STK3: variants seen among roughly 807,000 people sequenced by gnomAD.
STK3 encodes serine/threonine-protein kinase 3.
In STK3, 41 loss-of-function variants were observed where a neutral mutation model predicts 58.0. The ratio of observed to expected loss-of-function variants is 0.71; its 90% CI spans 0.55 to 0.92. The LOEUF is 0.92. Ranked by LOEUF, STK3 falls within the 40% of genes least tolerant of loss-of-function variation. The pLI, the probability that STK3 is intolerant of heterozygous loss-of-function variation, is 0.00. For synonymous variants in STK3, 170 were observed against 191.0 expected (o/e 0.89, Z 0.91); for missense variants, 479 against 602.7 (o/e 0.79, Z 2.15).
At chr8:98,626,548 G>GA (rs1321078107) in intron 6 of STK3, among the ~76,000 whole-genome samples, 2 of 152,180 alleles carry the variant, frequency 1.3e-5, no homozygotes, top group Admixed American at 1.3e-4. Flanking sequence ...GCCCTTTACA[G>GA]AAAAAAGGCC....
intron 3 of STK3, chr8:98,429,215 G>A (rs1377562510): frequency 3.7e-6 from 6 of 1,614,042 alleles, no homozygotes; most frequent in South Asian, 1.1e-5. Flanking sequence ...TCTTCAATAA[G>A]TTCTCCCACT....
At chr8:98,848,729 A>G (rs1421885059) in intron 3 of STK3, among the ~76,000 whole-genome samples, 1 of 152,024 alleles carries the variant, frequency 6.6e-6, no homozygotes, top group Non-Finnish European at 1.5e-5. Context: ...GATGTACTAC[A>G]TTTTCCTCAA....
chr8:98,634,069 C>T (rs1036622423), intron 6 of STK3, among the ~76,000 whole-genome samples: 6 of 151,924 alleles, frequency 3.9e-5, no homozygotes, highest in Non-Finnish European at 7.4e-5. Context: ...GGGGATATTA[C>T]TTGAGAGATA....
rs551615417 is a variant in STK3 at position 98,938,027 on chromosome 8, C to A, written c.-79+4351G>T. On this transcript the variant is annotated intron_variant, in intron 1 of 1. Transcript: ENST00000519420. Reference sequence around the variant, plus strand: ...AGAAAAGGTCATTTGAAAATAGCAACCCTTTGTCAAAGTGGAGATGATGAA... The same window carrying A: ...AGAAAAGGTCATTTGAAAATAGCAAACCTTTGTCAAAGTGGAGATGATGAA... Among the ~76,000 whole-genome samples the A allele has an allele frequency of 9.2e-5, 14 of 152,254 alleles. No individual in the cohort carries two copies. In the South Asian group the frequency reaches 2.9e-3, roughly 32 times the overall value.
intron 1 of STK3, among the ~76,000 whole-genome samples, chr8:98,903,299 A>C (rs1447700761): frequency 6.6e-6 from 1 of 152,226 alleles, no homozygotes; most frequent in African/African-American, 2.4e-5. Context: ...TGATGAAAAT[A>C]TTAAAACAAT....
intron 3 of STK3, among the ~76,000 whole-genome samples, chr8:98,764,115 A>G (rs1830798550): frequency 6.6e-6 from 1 of 152,222 alleles, no homozygotes; most frequent in African/African-American, 2.4e-5. Context: ...TTTCATCAAT[A>G]TTTGCCTCAG....
chr8:98,874,649 C>T (rs1225035486), intron 3 of STK3, among the ~76,000 whole-genome samples: 1 of 151,916 alleles, frequency 6.6e-6, no homozygotes, highest in African/African-American at 2.4e-5. Context: ...TTTTTGGAGA[C>T]AAGTTCTCCC....
intron 8 of STK3, among the ~76,000 whole-genome samples, chr8:98,551,623 C>T (rs1041014060): frequency 1.6e-4 from 25 of 152,080 alleles, no homozygotes; most frequent in South Asian, 2.1e-4. Flanking sequence ...AAAAATACTG[C>T]GAGGACATCT....
At chr8:98,374,431 C>T (rs1817651928) in intron 2 of STK3, among the ~76,000 whole-genome samples, 2 of 152,220 alleles carry the variant, frequency 1.3e-5, no homozygotes, top group African/African-American at 2.4e-5. Context: ...CCCATTTATT[C>T]TACAAACATT....
At chr8:98,763,971 G>A (rs111322092) in intron 3 of STK3, among the ~76,000 whole-genome samples, 2,700 of 152,180 alleles carry the variant, frequency 0.018, 74 homozygotes, top group African/African-American at 0.062. Context: ...CACCATGCCC[G>A]GCCCTAATTT....
chr8:98,847,801 T>C (rs976471586), intron 3 of STK3, among the ~76,000 whole-genome samples: 4 of 152,182 alleles, frequency 2.6e-5, no homozygotes, highest in African/African-American at 9.7e-5. Flanking sequence ...TTTTATCTTC[T>C]GCAATTCCCA....
At chr8:98,668,956 C>A (rs1442076980) in intron 6 of STK3, among the ~76,000 whole-genome samples, 1 of 149,204 alleles carries the variant, frequency 6.7e-6, no homozygotes, top group Non-Finnish European at 1.5e-5. Context: ...ACTGCCTCTG[C>A]TACTTGATTA....
At chr8:98,816,321 C>T (rs1219433110) in intron 1 of STK3, among the ~76,000 whole-genome samples, 1 of 152,128 alleles carries the variant, frequency 6.6e-6, no homozygotes, top group Non-Finnish European at 1.5e-5. Flanking sequence ...CAAGACCAGC[C>T]TAAGCAACAT....
At chr8:98,634,259 G>C (rs978518372) in intron 6 of STK3, among the ~76,000 whole-genome samples, 1 of 152,156 alleles carries the variant, frequency 6.6e-6, no homozygotes, top group Admixed American at 6.5e-5. Context: ...GGCCAAGGCA[G>C]GCGGATCACT....
At chr8:98,699,036 A>G (rs1238516857) in intron 6 of STK3, among the ~76,000 whole-genome samples, 3 of 152,160 alleles carry the variant, frequency 2.0e-5, no homozygotes, top group South Asian at 4.1e-4. Context: ...ACATAGTCCC[A>G]TATTTCTTGG....
chr8:98,929,338 ATGAGT>A (rs1232284106), intron 1 of STK3, among the ~76,000 whole-genome samples: 1 of 152,136 alleles, frequency 6.6e-6, no homozygotes, highest in Non-Finnish European at 1.5e-5. Flanking sequence ...CACACAGCTG[ATGAGT>A]AACAGTGTTG....
chr8:98,697,153 TTG>T (rs749701765), intron 6 of STK3, among the ~76,000 whole-genome samples: 13 of 152,352 alleles, frequency 8.5e-5, no homozygotes, highest in East Asian at 3.9e-4. Context: ...ATAGAGGTGT[TTG>T]TAGTATTCTC....
At chr8:98,429,651 G>A (rs139233144) in intron 3 of STK3, 141 of 500,674 alleles carry the variant, frequency 2.8e-4, no homozygotes, top group Middle Eastern at 5.2e-4. Flanking sequence ...TCTTTGCATC[G>A]TGGGCATAAA....
chr8:98,673,567 G>T (rs1822983347), intron 6 of STK3, among the ~76,000 whole-genome samples: 1 of 151,916 alleles, frequency 6.6e-6, no homozygotes. Context: ...CATAAAGACA[G>T]AATGCAAACT....
Sources: allele counts gnomAD v4.1 joint callset (sites outside exome capture counted in the v4.1 genomes callset), GRCh38; gene constraint gnomAD v4.1.1; transcripts MANE v1.5; gene names NCBI Gene and HGNC (gene_info 2026-07-23, HGNC 2026-07-21).